NLGN1: variants seen among roughly 807,000 people sequenced by gnomAD.
NLGN1 encodes neuroligin-1.
In NLGN1, 12 loss-of-function variants were observed where a neutral mutation model predicts 65.5. That is an observed-to-expected ratio of 0.18 (90% CI 0.12 to 0.30). The LOEUF (loss-of-function observed/expected upper bound fraction) is 0.30, where lower values mean the gene tolerates loss of function less well. Among genes scored for constraint, NLGN1 ranks in the 10% least tolerant of loss-of-function variants. The pLI, the probability that NLGN1 is intolerant of heterozygous loss-of-function variation, is 1.00. For missense variants in NLGN1, 750 were observed against 1,007.1 expected, an observed-to-expected ratio of 0.74 and a Z score of 3.46; for synonymous variants, 350 against 359.5, an observed-to-expected ratio of 0.97 and a Z score of 0.30.
At chr3:173,511,574 C>A (rs887434558) in intron 2 of NLGN1, among the ~76,000 whole-genome samples, 7 of 152,106 alleles carry the variant, frequency 4.6e-5, no homozygotes, top group African/African-American at 1.4e-4. Flanking sequence ...CTGTTTCTTT[C>A]TTTTCCTTCT....
chr3:173,921,424 G>T (rs1001260260), intron 4 of NLGN1, among the ~76,000 whole-genome samples: 1 of 150,814 alleles, frequency 6.6e-6, no homozygotes, highest in Admixed American at 6.6e-5. Context: ...GCATTTACAC[G>T]TAAAAAAATG....
At chr3:173,535,761 C>G (rs928335372) in intron 2 of NLGN1, among the ~76,000 whole-genome samples, 1 of 152,088 alleles carries the variant, frequency 6.6e-6, no homozygotes, top group East Asian at 1.9e-4. Context: ...CCATTGCAAG[C>G]CTTTGGTTTT....
At chr3:173,823,543 A>T (rs1219823739) in intron 4 of NLGN1, among the ~76,000 whole-genome samples, 1 of 152,060 alleles carries the variant, frequency 6.6e-6, no homozygotes, top group Non-Finnish European at 1.5e-5. Flanking sequence ...TAGTAGTCCC[A>T]CTAAACAATA....
At chr3:173,975,441 C>T (rs1717217624) in intron 4 of NLGN1, among the ~76,000 whole-genome samples, 1 of 151,894 alleles carries the variant, frequency 6.6e-6, no homozygotes, top group Admixed American at 6.6e-5. Flanking sequence ...CAGTTTGGTG[C>T]TGTGCAAACC....
chr3:173,978,585 G>T (rs906099095), intron 4 of NLGN1, among the ~76,000 whole-genome samples: 1 of 151,842 alleles, frequency 6.6e-6, no homozygotes, highest in African/African-American at 2.4e-5. Flanking sequence ...AATTAATAAG[G>T]ACCAAAAGTA....
At chr3:174,228,100 A>C (rs6772965) in intron 4 of NLGN1, among the ~76,000 whole-genome samples, 103,679 of 151,744 alleles carry the variant, frequency 0.68, 36,241 homozygotes, top group African/African-American at 0.83. Flanking sequence ...GAAATTGTTT[A>C]TCAATTGGTT....
chr3:173,748,999 T>A (rs994194813), intron 3 of NLGN1, among the ~76,000 whole-genome samples: 1 of 152,072 alleles, frequency 6.6e-6, no homozygotes, highest in Non-Finnish European at 1.5e-5. Context: ...GAATTCATTA[T>A]GAAGGAAAAA....
intron 3 of NLGN1, among the ~76,000 whole-genome samples, chr3:173,692,303 A>G (rs1421770881): frequency 6.6e-6 from 1 of 152,122 alleles, no homozygotes; most frequent in African/African-American, 2.4e-5. Flanking sequence ...TAAAAGCAGT[A>G]AACTTTAAAC....
intron 2 of NLGN1, among the ~76,000 whole-genome samples, chr3:173,560,005 A>G (rs1305094417): frequency 2.8e-5 from 4 of 143,332 alleles, no homozygotes; most frequent in Non-Finnish European, 6.0e-5. Flanking sequence ...ATGCAGTGGC[A>G]CGATCTCAGC....
In NLGN1 at chr3:173,850,240, T is replaced by A. The variant is rs115773933; in HGVS notation, c.646+42408T>A. ...ATATATCTTACTATATATGTGTGTA[T>A]GTATGTGTGTGATTATGGGTATATA... On this transcript the variant is annotated intron_variant, in intron 4 of 6. Coordinates refer to ENST00000457714, the Ensembl canonical transcript of NLGN1. Among the ~76,000 whole-genome samples, 409 of 152,294 alleles carry A rather than the reference T, an allele frequency of 2.7e-3. 1 individual carries two copies. The highest frequency in any genetic ancestry group is 5.0e-3 in the Non-Finnish European group (339 of 68,004).
Position 173,631,298 on chromosome 3 carries a change from CCTTT to C in NLGN1, c.493+26210_493+26213del, listed in dbSNP as rs542805210. On this transcript the variant is annotated intron_variant, in intron 3 of 6. Transcript: ENST00000457714. ...AAGATTGTTAACACTATTTGTCCAT[CCTTT>C]CTAAGTGTAGATTATATATATCTCT... Among the ~76,000 whole-genome samples the C allele has an allele frequency of 2.0e-3, 305 of 152,218 alleles. 2 individuals are homozygous for C. The highest frequency in any genetic ancestry group is 6.9e-3 in the African/African-American group (288 of 41,550).
intron 3 of NLGN1, among the ~76,000 whole-genome samples, chr3:173,622,906 A>G (rs1476754454): frequency 1.3e-5 from 2 of 152,146 alleles, no homozygotes; most frequent in African/African-American, 2.4e-5. Flanking sequence ...TTCCTGCTCA[A>G]TAACAAATGT....
intron 4 of NLGN1, among the ~76,000 whole-genome samples, chr3:174,173,376 G>A (rs945254787): frequency 3.9e-5 from 6 of 151,942 alleles, no homozygotes; most frequent in African/African-American, 1.5e-4. Flanking sequence ...AGTCATCCTT[G>A]TCATGTTCTA....
chr3:173,690,734 A>G (rs1052140455), intron 3 of NLGN1, among the ~76,000 whole-genome samples: 18 of 152,174 alleles, frequency 1.2e-4, no homozygotes, highest in African/African-American at 3.6e-4. Flanking sequence ...CTGACTGCAT[A>G]TAAGAATAAA....
At chr3:173,471,279 T>C (rs759169455) in intron 2 of NLGN1, among the ~76,000 whole-genome samples, 2 of 152,080 alleles carry the variant, frequency 1.3e-5, no homozygotes, top group Non-Finnish European at 2.9e-5. Flanking sequence ...ATTTTTTTGT[T>C]TCACAGTTCT....
At chr3:174,232,432 C>A (rs539173769) in intron 4 of NLGN1, among the ~76,000 whole-genome samples, 1 of 152,198 alleles carries the variant, frequency 6.6e-6, no homozygotes, top group Admixed American at 6.5e-5. Flanking sequence ...GGCTCAGAGG[C>A]CTGACAGGAG....
chr3:173,730,000 T>A (rs1178993834), intron 3 of NLGN1, among the ~76,000 whole-genome samples: 5 of 151,986 alleles, frequency 3.3e-5, no homozygotes, highest in Admixed American at 6.6e-5. Flanking sequence ...ATCTCTGACT[T>A]GTGTTTGGTG....
chr3:174,029,560 A>C (rs1283902477), intron 4 of NLGN1, among the ~76,000 whole-genome samples: 1 of 152,154 alleles, frequency 6.6e-6, no homozygotes, highest in Non-Finnish European at 1.5e-5. Flanking sequence ...TAATGCTGGA[A>C]TGAGTTAGGA....
At chr3:173,522,727 C>T (rs897738595) in intron 2 of NLGN1, among the ~76,000 whole-genome samples, 9 of 152,266 alleles carry the variant, frequency 5.9e-5, no homozygotes, top group African/African-American at 2.2e-4. Context: ...GCCACCCTGC[C>T]TGGCCATTGT....
Sources: allele counts gnomAD v4.1 joint callset (sites outside exome capture counted in the v4.1 genomes callset), GRCh38; gene constraint gnomAD v4.1.1; transcripts MANE v1.5; gene names NCBI Gene and HGNC (gene_info 2026-07-23, HGNC 2026-07-21).